CLMN: variants seen among roughly 807,000 people sequenced by gnomAD.
CLMN encodes the protein calmin.
CLMN carries 57 observed loss-of-function variants against 92.7 expected under a neutral mutation model. The observed-to-expected ratio is 0.61, with a 90% CI of 0.50 to 0.77. CLMN has a LOEUF of 0.77. CLMN is among the 30% of genes least tolerant of loss of function. CLMN has a pLI of 0.00. For synonymous variants in CLMN, 466 were observed against 470.6 expected (o/e 0.99, Z 0.13); for missense variants, 1,158 against 1,237.5 (o/e 0.94, Z 0.96).
chr14:95,195,145 C>T (rs1374510743), intron 10 of CLMN, among the ~76,000 whole-genome samples: 1 of 152,248 alleles, frequency 6.6e-6, no homozygotes, highest in African/African-American at 2.4e-5. Context: ...TTCTCCCTCT[C>T]CTGAAGTCCC....
intron 1 of CLMN, among the ~76,000 whole-genome samples, chr14:95,297,155 C>T (rs1459317715): frequency 6.6e-6 from 1 of 152,146 alleles, no homozygotes; most frequent in Non-Finnish European, 1.5e-5. Flanking sequence ...CAAAGTAAGC[C>T]TATGCCTGGG....
chr14:95,250,897 T>C (rs1169306118), intron 1 of CLMN, among the ~76,000 whole-genome samples: 1 of 152,116 alleles, frequency 6.6e-6, no homozygotes, highest in African/African-American at 2.4e-5. Context: ...CATGTTTGCA[T>C]GTGGGAGCTG....
At chr14:95,196,150 TG>T (rs1896705046) in intron 10 of CLMN, among the ~76,000 whole-genome samples, 1 of 152,192 alleles carries the variant, frequency 6.6e-6, no homozygotes, top group African/African-American at 2.4e-5. Context: ...TGTAGTTGTC[TG>T]GGGGCCAGAA....
intron 1 of CLMN, among the ~76,000 whole-genome samples, chr14:95,261,127 C>T (rs1253503293): frequency 1.3e-5 from 2 of 151,134 alleles, no homozygotes; most frequent in Admixed American, 6.6e-5. Context: ...AGCCTTTCTG[C>T]ACTTCCGGAC....
At chr14:95,280,038 G>T (rs1338987801) in intron 1 of CLMN, among the ~76,000 whole-genome samples, 32 of 151,872 alleles carry the variant, frequency 2.1e-4, no homozygotes, top group Non-Finnish European at 4.4e-5. Flanking sequence ...TAAAGCTGAA[G>T]ATTTGAGCAA....
intron 1 of CLMN, among the ~76,000 whole-genome samples, chr14:95,286,377 G>A (rs768848906): frequency 5.3e-5 from 8 of 152,182 alleles, no homozygotes; most frequent in Non-Finnish European, 7.3e-5. Flanking sequence ...AAGAAGCCAG[G>A]CACAGGTTAC....
chr14:95,245,537 T>C (rs968104154), intron 1 of CLMN, among the ~76,000 whole-genome samples: 2 of 148,914 alleles, frequency 1.3e-5, no homozygotes, highest in Non-Finnish European at 3.0e-5. Flanking sequence ...GATAGGTAGA[T>C]GGATGAATGG....
At chr14:95,217,197 G>A (rs1465419061) in intron 4 of CLMN, among the ~76,000 whole-genome samples, 1 of 152,214 alleles carries the variant, frequency 6.6e-6, no homozygotes, top group Non-Finnish European at 1.5e-5. Context: ...GGTCCACACT[G>A]CAAAATTCTG....
At chr14:95,315,732 C>A (rs1901737013) in intron 1 of CLMN, among the ~76,000 whole-genome samples, 1 of 152,200 alleles carries the variant, frequency 6.6e-6, no homozygotes, top group Non-Finnish European at 1.5e-5. Context: ...GCCAAAAGCA[C>A]CAGAATGACA....
intron 1 of CLMN, among the ~76,000 whole-genome samples, chr14:95,264,010 T>TTA (rs1278950679): frequency 1.9e-5 from 1 of 51,786 alleles, no homozygotes; most frequent in Non-Finnish European, 4.5e-5. Flanking sequence ...CCTTATTACT[T>TTA]TATTTATTTA....
intron 1 of CLMN, among the ~76,000 whole-genome samples, chr14:95,269,713 G>A (rs767753768): frequency 6.6e-6 from 1 of 152,186 alleles, no homozygotes; most frequent in African/African-American, 2.4e-5. Context: ...GGCACCAAAG[G>A]CTCCCACTGG....
At chr14:95,307,983 T>A (rs919617692) in intron 1 of CLMN, among the ~76,000 whole-genome samples, 9 of 152,164 alleles carry the variant, frequency 5.9e-5, no homozygotes, top group Admixed American at 2.6e-4. Flanking sequence ...ACGTCAGCCT[T>A]AAATGACATA....
rs1266738883 is a variant in CLMN, at chr14:95,245,225, T to A, written c.83-15092A>T. On this transcript the variant is annotated intron_variant, in intron 1 of 12. Coordinates refer to ENST00000298912, the MANE Select transcript of CLMN (RefSeq NM_024734.4). The stretch of plus-strand genomic sequence containing the variant: ...TATATATATTATATATATATATATA[T>A]TATATATATATATTATATATATATA... Among the ~76,000 whole-genome samples, 156 of 24,240 alleles carry A rather than the reference T, an allele frequency of 6.4e-3. 2 individuals are homozygous for A. The highest frequency in any genetic ancestry group is 7.9e-3 in the Admixed American group (11 of 1,386). The allele number at this position is 24,240 out of a possible 152,430, so 15.9% of individuals were successfully genotyped here.
intron 1 of CLMN, among the ~76,000 whole-genome samples, chr14:95,271,377 C>T (rs1244886097): frequency 1.3e-5 from 2 of 152,158 alleles, no homozygotes; most frequent in South Asian, 2.1e-4. Flanking sequence ...GAACAGCAGC[C>T]GTGTTCTCCC....
intron 1 of CLMN, among the ~76,000 whole-genome samples, chr14:95,275,942 C>A (rs1038991932): frequency 1.3e-5 from 2 of 152,212 alleles, no homozygotes; most frequent in Admixed American, 1.3e-4. Flanking sequence ...GGATTACAGG[C>A]ATGAGCCACC....
rs1899157169 is a variant in CLMN, at chr14:95,259,327, C to A, written c.83-29194G>T. ...TTGGGAGATGCGACAGAGCTGACAG[C>A]AGGCTGGACCCTGGCCGTCCACTGG... On this transcript the variant is annotated intron_variant, in intron 1 of 12. Transcript: ENST00000298912. The surrounding 1 kb of genome is among the most constrained non-coding windows in gnomAD (Gnocchi z 4.3). Among the ~76,000 whole-genome samples, 2 of 152,090 alleles carry A rather than the reference C, an allele frequency of 1.3e-5. No homozygotes were observed. Among genetic ancestry groups the A allele is most frequent in the East Asian group, 3.9e-4 (2 of 5,194 alleles).
chr14:95,222,719 T>G, intron 3 of CLMN: 1 of 409,234 alleles, frequency 2.4e-6, no homozygotes, highest in Non-Finnish European at 4.9e-6. Flanking sequence ...CCAAATACTG[T>G]TGAGAGTTCA....
At chr14:95,265,631 T>C (rs115269159) in intron 1 of CLMN, among the ~76,000 whole-genome samples, 4,019 of 152,258 alleles carry the variant, frequency 0.026, 196 homozygotes, top group African/African-American at 0.093. Context: ...TCTGTGAGTA[T>C]TTGCAATTGC....
chr14:95,240,455 A>G (rs1898206299), intron 1 of CLMN, among the ~76,000 whole-genome samples: 1 of 152,144 alleles, frequency 6.6e-6, no homozygotes, highest in South Asian at 2.1e-4. Context: ...TGACCACTGC[A>G]TGGAAGGACT....
Sources: gnomAD v4.1 joint callset for allele counts (sites outside exome capture counted in the v4.1 genomes callset) on GRCh38, gnomAD v4.1.1 for gene constraint, Gnocchi (gnomAD v3.1) non-coding constraint, MANE v1.5 for transcripts, NCBI Gene and HGNC (gene_info 2026-07-23, HGNC 2026-07-21) for gene names.